The following SUMF1 variants were observed in gnomAD, a reference collection of about 807,000 sequenced individuals.
SUMF1 encodes the protein formylglycine-generating enzyme.
In SUMF1, 48 loss-of-function variants were observed where a neutral mutation model predicts 47.6. That is an observed-to-expected ratio of 1.01 (90% CI 0.80 to 1.28). The LOEUF is 1.28. SUMF1 is among the 50% of genes most tolerant of loss of function. The pLI is 0.00. For synonymous variants in SUMF1, 230 were observed against 192.1 expected (o/e 1.20, Z -1.63); for missense variants, 571 against 485.4 (o/e 1.18, Z -1.66).
At chr3:4,376,507 G>C (rs534885806) in intron 7 of SUMF1, 118 bp from the exon 8 acceptor site, 52 of 1,008,590 alleles carry the variant, frequency 5.2e-5, no homozygotes, top group African/African-American at 4.7e-4. Flanking sequence ...CTCTCCACAT[G>C]CATTTCCACC....
At chr3:4,312,994 G>A in intron 8 of SUMF1, 1 of 1,613,954 alleles carries the variant, frequency 6.2e-7, no homozygotes, top group Non-Finnish European at 8.5e-7. Flanking sequence ...CTGCCTCCCT[G>A]GCACTTGCTC....
intron 8 of SUMF1, among the ~76,000 whole-genome samples, chr3:4,128,242 A>AGTT (rs528407221): frequency 2.0e-4 from 31 of 152,296 alleles, no homozygotes; most frequent in African/African-American, 7.2e-4. Context: ...CTGCAACAAA[A>AGTT]GTTGCACGCA....
At chr3:4,099,384 G>C (rs1279666875) in intron 8 of SUMF1, among the ~76,000 whole-genome samples, 1 of 152,070 alleles carries the variant, frequency 6.6e-6, no homozygotes, top group Non-Finnish European at 1.5e-5. Context: ...AATAGATGCA[G>C]AAAAAGCATG....
intron 8 of SUMF1, among the ~76,000 whole-genome samples, chr3:4,113,886 T>A (rs1259976524): frequency 1.3e-5 from 2 of 152,082 alleles, no homozygotes; most frequent in Non-Finnish European, 2.9e-5. Context: ...ATATACAAAG[T>A]GCATTTGTCT....
At chr3:4,446,533 C>T (rs1233374784) in intron 3 of SUMF1, among the ~76,000 whole-genome samples, 1 of 152,124 alleles carries the variant, frequency 6.6e-6, no homozygotes, top group African/African-American at 2.4e-5. Context: ...TTATGATAGC[C>T]CCCAATGGAT....
At chr3:4,035,531 C>T (rs1023515033) in intron 9 of SUMF1, among the ~76,000 whole-genome samples, 3 of 152,156 alleles carry the variant, frequency 2.0e-5, no homozygotes, top group Non-Finnish European at 4.4e-5. Flanking sequence ...TTTAATTACA[C>T]CTGAATAAAA....
intron 8 of SUMF1, among the ~76,000 whole-genome samples, chr3:4,073,628 C>T (rs868411678): frequency 3.9e-5 from 6 of 151,980 alleles, no homozygotes; most frequent in African/African-American, 7.3e-5. Context: ...TCAAAATAAA[C>T]GTATGGGGGA....
intron 8 of SUMF1, among the ~76,000 whole-genome samples, chr3:4,349,068 T>A (rs1299854673): frequency 2.0e-5 from 3 of 152,166 alleles, no homozygotes; most frequent in Non-Finnish European, 4.4e-5. Flanking sequence ...ACAAGCAATC[T>A]ACAGAACAGG....
At chr3:4,296,630 A>G (rs375833927) in intron 8 of SUMF1, among the ~76,000 whole-genome samples, 32 of 151,936 alleles carry the variant, frequency 2.1e-4, no homozygotes, top group African/African-American at 7.5e-4. Flanking sequence ...GAAAAGCCCA[A>G]CCCCCTGATT....
chr3:4,376,301 C>T (rs201359733), intron 8 of SUMF1, 29 bp downstream of exon 8: 55 of 1,613,468 alleles, frequency 3.4e-5, no homozygotes, highest in East Asian at 1.1e-4. Context: ...AGAACAAGAA[C>T]GGCAAAACAG....
chr3:4,045,920 T>C (rs1427642918), intron 9 of SUMF1, among the ~76,000 whole-genome samples: 1 of 152,130 alleles, frequency 6.6e-6, no homozygotes, highest in Non-Finnish European at 1.5e-5. Context: ...GCACACTGGC[T>C]TATGCCTATA....
At chr3:4,314,913 A>G (rs1041005524) in intron 8 of SUMF1, among the ~76,000 whole-genome samples, 1 of 152,232 alleles carries the variant, frequency 6.6e-6, no homozygotes, top group Non-Finnish European at 1.5e-5. Flanking sequence ...TTTCAACATT[A>G]TAGGAATCCA....
chr3:4,338,865 T>C (rs1471271286), intron 8 of SUMF1, among the ~76,000 whole-genome samples: 1 of 152,078 alleles, frequency 6.6e-6, no homozygotes, highest in African/African-American at 2.4e-5. Context: ...AAATTTGGCA[T>C]TCGTGTGATT....
intron 8 of SUMF1, among the ~76,000 whole-genome samples, chr3:4,240,635 T>C (rs1183773360): frequency 6.6e-6 from 1 of 152,066 alleles, no homozygotes; most frequent in Non-Finnish European, 1.5e-5. Context: ...GATAGTGAGA[T>C]ATTATAAGCA....
At chr3:4,364,860 T>A (rs1575135722) in intron 8 of SUMF1, among the ~76,000 whole-genome samples, 1 of 151,398 alleles carries the variant, frequency 6.6e-6, no homozygotes, top group Admixed American at 6.6e-5. Context: ...TTGTGGGCAT[T>A]TAGTGCTATA....
intron 8 of SUMF1, among the ~76,000 whole-genome samples, chr3:4,312,360 CAAAAG>C (rs890209978): frequency 2.0e-5 from 3 of 151,926 alleles, no homozygotes; most frequent in Admixed American, 6.5e-5. Context: ...AAGAGGGAAA[CAAAAG>C]AAGTTACAAA....
chr3:4,316,464 C>A, intron 8 of SUMF1: 1 of 1,604,488 alleles, frequency 6.2e-7, no homozygotes, highest in Non-Finnish European at 8.5e-7. Flanking sequence ...CGAAGCTGAT[C>A]CCCTTACAAC....
At chr3:4,455,189 T>C (rs186032878) in intron 1 of SUMF1, among the ~76,000 whole-genome samples, 67 of 152,328 alleles carry the variant, frequency 4.4e-4, no homozygotes, top group African/African-American at 1.5e-3. Flanking sequence ...AGCCAATTAA[T>C]AGACTCCTCA....
At chr3:4,296,018 T>C (rs535947117) in intron 8 of SUMF1, among the ~76,000 whole-genome samples, 6 of 152,188 alleles carry the variant, frequency 3.9e-5, no homozygotes, top group African/African-American at 1.4e-4. Context: ...TTGGAAAACA[T>C]AACACAGGGT....
Sources: allele counts gnomAD v4.1 joint callset (sites outside exome capture counted in the v4.1 genomes callset), GRCh38; gene constraint gnomAD v4.1.1; transcripts MANE v1.5; gene names NCBI Gene and HGNC (gene_info 2026-07-23, HGNC 2026-07-21).